Variants in FBXL7 observed in about 807,000 individuals in gnomAD.
The protein encoded by FBXL7 is F-box and leucine rich repeat protein 7, also known as F-box/LRR-repeat protein 7.
FBXL7 carries 12 observed loss-of-function variants against 38.3 expected under a neutral mutation model. The ratio of observed to expected loss-of-function variants is 0.31; its 90% CI spans 0.20 to 0.51. The LOEUF (loss-of-function observed/expected upper bound fraction) is 0.51. Ranked by LOEUF, FBXL7 falls within the 20% of genes least tolerant of loss-of-function variation. The pLI is 0.98. For missense variants in FBXL7, 567 were observed against 676.4 expected, an observed-to-expected ratio of 0.84 and a Z score of 1.79; for synonymous variants, 297 against 300.9, an observed-to-expected ratio of 0.99 and a Z score of 0.13.
intron 2 of FBXL7, among the ~76,000 whole-genome samples, chr5:15,856,949 TTATG>T (rs1277080116): frequency 1.3e-5 from 2 of 152,232 alleles, no homozygotes; most frequent in Non-Finnish European, 2.9e-5. Flanking sequence ...ATATTTATCT[TTATG>T]TATGTATGCA....
At chr5:15,918,698 G>C (rs114558882) in intron 2 of FBXL7, among the ~76,000 whole-genome samples, 6 of 152,148 alleles carry the variant, frequency 3.9e-5, no homozygotes, top group Admixed American at 3.9e-4. Context: ...CACCATCCTC[G>C]CCAATTTCCC....
rs574410755 is a variant in FBXL7 at position 15,920,854 on chromosome 5, C to G, written c.128-7036C>G. Among the ~76,000 whole-genome samples, 11 of 152,142 alleles carry G rather than the reference C, an allele frequency of 7.2e-5. No individual in the cohort carries two copies. The South Asian group carries it at 2.1e-3, about 29-fold the overall frequency. ...TCTTTTTGTGTCTTTTGGTTGTATTCAGCTTTCTGATATCATTGGGAGACA... is the reference window on the plus strand; with the variant it reads ...TCTTTTTGTGTCTTTTGGTTGTATTGAGCTTTCTGATATCATTGGGAGACA... On this transcript the variant is annotated intron_variant, in intron 2 of 3. Coordinates refer to ENST00000504595, the MANE Select transcript of FBXL7 (RefSeq NM_012304.5).
At chr5:15,546,875 A>G (rs1359690252) in intron 1 of FBXL7, among the ~76,000 whole-genome samples, 1 of 152,232 alleles carries the variant, frequency 6.6e-6, no homozygotes, top group Non-Finnish European at 1.5e-5. Flanking sequence ...AGGGGCACAT[A>G]AGGTAGGGGA....
chr5:15,804,048 A>G (rs1453021571), intron 2 of FBXL7, among the ~76,000 whole-genome samples: 1 of 152,190 alleles, frequency 6.6e-6, no homozygotes, highest in Non-Finnish European at 1.5e-5. Context: ...ACTGTTATTT[A>G]TGACTGTCCC....
intron 2 of FBXL7, among the ~76,000 whole-genome samples, chr5:15,718,778 G>T (rs1744114671): frequency 6.6e-6 from 1 of 152,216 alleles, no homozygotes; most frequent in Non-Finnish European, 1.5e-5. Context: ...ATCTCCTGGA[G>T]CTTCCAGGGG....
intron 2 of FBXL7, among the ~76,000 whole-genome samples, chr5:15,738,904 C>T (rs1004015074): frequency 5.3e-5 from 8 of 152,174 alleles, no homozygotes; most frequent in African/African-American, 1.4e-4. Context: ...GGCACCCATG[C>T]GGAGCTGATG....
At chr5:15,892,267 A>T (rs1048811477) in intron 2 of FBXL7, among the ~76,000 whole-genome samples, 2 of 152,234 alleles carry the variant, frequency 1.3e-5, no homozygotes, top group Non-Finnish European at 2.9e-5. Context: ...TGTGAGCAAG[A>T]GGAAGGCATG....
intron 2 of FBXL7, among the ~76,000 whole-genome samples, chr5:15,787,276 A>G (rs940866656): frequency 6.6e-6 from 1 of 152,354 alleles, no homozygotes; most frequent in African/African-American, 2.4e-5. Flanking sequence ...CTTGTAATAT[A>G]TGATATGTGA....
intron 2 of FBXL7, among the ~76,000 whole-genome samples, chr5:15,655,824 C>G (rs548424062): frequency 6.6e-6 from 1 of 152,258 alleles, no homozygotes; most frequent in African/African-American, 2.4e-5. Context: ...GTAAGTGACT[C>G]ACAAAGCCTC....
At position 15,674,300 on chromosome 5, in the gene FBXL7, G is replaced by A. The variant is rs568804213; in HGVS notation, c.127+58228G>A. On this transcript the variant is annotated intron_variant, in intron 2 of 3. Transcript: ENST00000504595. Reference sequence around the variant, plus strand: ...TTATTTAGCTGTTGATAATAGCTGTGTTATTGAATATCCTTACATTATAGA... The same window carrying A: ...TTATTTAGCTGTTGATAATAGCTGTATTATTGAATATCCTTACATTATAGA... Among the ~76,000 whole-genome samples the A allele has an allele frequency of 2.0e-5, 3 of 152,300 alleles. No homozygotes were observed. The South Asian group carries it at 6.2e-4, about 32-fold the overall frequency.
intron 1 of FBXL7, among the ~76,000 whole-genome samples, chr5:15,589,530 C>T (rs976706522): frequency 6.6e-6 from 1 of 152,114 alleles, no homozygotes; most frequent in Non-Finnish European, 1.5e-5. Flanking sequence ...GAACTGTAAA[C>T]CCACTAAACC....
intron 2 of FBXL7, among the ~76,000 whole-genome samples, chr5:15,836,125 G>A (rs1738585238): frequency 6.6e-6 from 1 of 152,080 alleles, no homozygotes; most frequent in African/African-American, 2.4e-5. Context: ...AAATTCAGAT[G>A]GTCTCTGCCT....
At position 15,531,602 on chromosome 5, in the gene FBXL7, C is replaced by A. The variant is rs575944545; in HGVS notation, c.37+30889C>A. Among the ~76,000 whole-genome samples, 26 of 152,336 alleles carry A rather than the reference C, an allele frequency of 1.7e-4. No homozygotes were observed. The South Asian group carries it at 5.4e-3, about 32-fold the overall frequency. ...TGGCCATAAGAGGGCATGTTGAAGACACAACTGTTCAGCTGTCTGTAAATC... is the reference window on the plus strand; with the variant it reads ...TGGCCATAAGAGGGCATGTTGAAGAAACAACTGTTCAGCTGTCTGTAAATC... On this transcript the variant is annotated intron_variant, in intron 1 of 3. Transcript: ENST00000504595.
At chr5:15,802,696 C>T (rs1487699085) in intron 2 of FBXL7, among the ~76,000 whole-genome samples, 2 of 151,520 alleles carry the variant, frequency 1.3e-5, no homozygotes, top group Non-Finnish European at 2.9e-5. Context: ...TGCTGTTGTC[C>T]AGGCTGGAGT....
chr5:15,500,756 C>G (rs775763475), intron 1 of FBXL7, 43 bp downstream of exon 1: 1 of 1,592,962 alleles, frequency 6.3e-7, no homozygotes, highest in East Asian at 2.4e-5. Context: ...TCGCGTCCCT[C>G]CTCCCCTTTC....
intron 2 of FBXL7, among the ~76,000 whole-genome samples, chr5:15,877,720 C>A (rs552342202): frequency 6.6e-6 from 1 of 152,292 alleles, no homozygotes; most frequent in South Asian, 2.1e-4. Context: ...CCAAGCCTAT[C>A]TGTGGTACTG....
At chr5:15,750,218 A>T (rs917238565) in intron 2 of FBXL7, among the ~76,000 whole-genome samples, 2 of 152,218 alleles carry the variant, frequency 1.3e-5, no homozygotes, top group African/African-American at 4.8e-5. Flanking sequence ...TTGCATTTTT[A>T]AAGTTGATGA....
Position 15,702,093 on chromosome 5 carries a change from C to T in FBXL7, c.127+86021C>T, listed in dbSNP as rs141667914. On this transcript the variant is annotated intron_variant, in intron 2 of 3. Coordinates refer to ENST00000504595, the MANE Select transcript of FBXL7 (RefSeq NM_012304.5). ...TCTCTACTAAAAATACAAAAATTAG[C>T]CAGGAGTGCTGGCCGGTTCCTGTAA... is the stretch of plus-strand genomic sequence containing the variant. 6.6e-3 allele frequency among the ~76,000 whole-genome samples: 1,000 copies of T among 152,172 alleles called. 11 individuals are homozygous for T. Among genetic ancestry groups the T allele is most frequent in the African/African-American group, 0.023 (949 of 41,524 alleles).
intron 2 of FBXL7, among the ~76,000 whole-genome samples, chr5:15,646,782 G>A (rs550226165): frequency 3.9e-5 from 6 of 152,264 alleles, no homozygotes; most frequent in African/African-American, 9.6e-5. Flanking sequence ...TATGAGTCTC[G>A]GAGATTTAGA....
Sources: allele counts gnomAD v4.1 joint callset (sites outside exome capture counted in the v4.1 genomes callset), GRCh38; gene constraint gnomAD v4.1.1; transcripts MANE v1.5; gene names NCBI Gene and HGNC (gene_info 2026-07-23, HGNC 2026-07-21).